Variants in CCAR1 observed in about 807,000 individuals in gnomAD.
CCAR1 encodes the protein cell division cycle and apoptosis regulator protein 1.
In CCAR1, 78 loss-of-function variants were observed where a neutral mutation model predicts 163.8. The ratio of observed to expected loss-of-function variants is 0.48; its 90% CI spans 0.40 to 0.57. CCAR1 has a LOEUF of 0.57. CCAR1 is among the 20% of genes least tolerant of loss of function. The pLI is 0.00. For missense variants in CCAR1, 1,019 were observed against 1,365.2 expected (o/e 0.75, Z 4.00); for synonymous variants, 443 against 460.7 (o/e 0.96, Z 0.49).
chr10:68,770,844 G>A (rs890045639), intron 17 of CCAR1, among the ~76,000 whole-genome samples: 2 of 152,224 alleles, frequency 1.3e-5, no homozygotes, highest in Non-Finnish European at 2.9e-5. Flanking sequence ...TTGGGAGGCC[G>A]AGGCGGGCAG....
Position 68,761,183 on chromosome 10 carries a change from C to A in CCAR1, c.2097C>A (p.Asp699Glu). The A allele has an allele frequency of 6.3e-7, 1 of 1,593,812 alleles. No individual in the cohort carries two copies. The highest frequency in any genetic ancestry group is 8.5e-7 in the Non-Finnish European group (1 of 1,170,428). The part of the protein sequence containing the change: ...EDEDDDRKSE[D>E]DKEEEERKRQ... ...AGGATGATGATAGGAAATCTGAAGA[C>A]GATAAAGAGGTATGTACTCAATCTA... Residue 699 changes from aspartate to glutamate, a missense_variant, in exon 16 of 25, where the codon GAC becomes GAA. This residue lies in a region of CCAR1 where 644 missense variants were observed against 904.4 expected (regional missense o/e 0.71). Transcript: ENST00000265872.
intron 2 of CCAR1, among the ~76,000 whole-genome samples, chr10:68,731,239 A>T (rs990274283): frequency 1.3e-5 from 2 of 152,172 alleles, no homozygotes; most frequent in African/African-American, 4.8e-5. Context: ...ATACCTTTGT[A>T]CTTTGCAGAT....
chr10:68,746,909 T>C (rs1475689631), intron 6 of CCAR1, among the ~76,000 whole-genome samples: 1 of 152,008 alleles, frequency 6.6e-6, no homozygotes, highest in Admixed American at 6.6e-5. Flanking sequence ...ATTATTATTA[T>C]ACTTTAAGTT....
intron 24 of CCAR1, among the ~76,000 whole-genome samples, chr10:68,790,701 A>T (rs753703121): frequency 4.4e-4 from 66 of 151,692 alleles, no homozygotes; most frequent in Non-Finnish European, 8.4e-4. Context: ...GCTAATTTTT[A>T]TATTTTTTTT....
At chr10:68,722,634 G>C in intron 2 of CCAR1, 57 bp downstream of exon 2, 1 of 1,333,662 alleles carries the variant, frequency 7.5e-7, no homozygotes, top group Non-Finnish European at 1.1e-6. Context: ...TTAAAACTAC[G>C]TGAATTAGGG....
At chr10:68,736,336 A>ATCG in intron 2 of CCAR1, among the ~76,000 whole-genome samples, 1 of 1,044 alleles carries the variant, frequency 9.6e-4, no homozygotes, top group Non-Finnish European at 1.3e-3. Flanking sequence ...TCACCTACTT[A>ATCG]TCTTTTGTGG....
chr10:68,767,546 CTATT>C (rs1315299829), intron 17 of CCAR1, among the ~76,000 whole-genome samples: 1 of 151,930 alleles, frequency 6.6e-6, no homozygotes, highest in Non-Finnish European at 1.5e-5. Flanking sequence ...TGCACCCGGC[CTATT>C]TATTTATTTA....
At position 68,756,267 on chromosome 10, in the gene CCAR1, C is replaced by A; in HGVS notation, c.1626-6C>A. The A allele has an allele frequency of 6.2e-7, 1 of 1,610,700 alleles. No individual in the cohort carries two copies. Among genetic ancestry groups the A allele is most frequent in the African/African-American group, 1.3e-5 (1 of 74,928 alleles). ...TTTTTCCAACATGCTTCTTCCCTTG[C>A]AACAGGTACCGTTTTGCAGAGATTC... On this transcript the variant is annotated splice_region_variant and splice_polypyrimidine_tract_variant and intron_variant, in intron 13 of 24. Coordinates refer to ENST00000265872, the MANE Select transcript of CCAR1 (RefSeq NM_018237.4). The surrounding 1 kb of genome is among the most constrained non-coding windows in gnomAD (Gnocchi z 5.1).
chr10:68,791,305 G>A lies in CCAR1; in HGVS notation c.*39G>A. On this transcript the variant is annotated 3_prime_UTR_variant, in exon 25 of 25. Transcript: ENST00000265872. Reference sequence around the variant, plus strand: ...GTGATGAGGAATGGTGTTAAATAATGTAATATATAAAAATCATGATATAAG... The same window carrying A: ...GTGATGAGGAATGGTGTTAAATAATATAATATATAAAAATCATGATATAAG... The A allele has an allele frequency of 7.5e-7, 1 of 1,326,768 alleles. No homozygotes were observed. The highest frequency in any genetic ancestry group is 2.4e-5 in the East Asian group (1 of 41,586). The allele number at this position is 1,326,768 out of a possible 1,614,324, so 82.2% of individuals were successfully genotyped here.
chr10:68,785,063 G>A (rs1001182632), intron 19 of CCAR1, among the ~76,000 whole-genome samples: 2 of 151,042 alleles, frequency 1.3e-5, no homozygotes, highest in South Asian at 2.1e-4. Flanking sequence ...GACTACAGAC[G>A]CCGGCCACCA....
At chr10:68,790,768 G>A (rs1355578749) in intron 24 of CCAR1, among the ~76,000 whole-genome samples, 4 of 150,306 alleles carry the variant, frequency 2.7e-5, no homozygotes, top group East Asian at 4.0e-4. Context: ...CAGCACTTTC[G>A]GAGGCCAAGG....
At position 68,756,779 on chromosome 10, in the gene CCAR1, A is replaced by T; in HGVS notation, c.1836+296A>T. On this transcript the variant is annotated intron_variant, in intron 14 of 24. Transcript: ENST00000265872. The surrounding 1 kb of genome is among the most constrained non-coding windows in gnomAD (Gnocchi z 5.1). Reference sequence around the variant, plus strand: ...GCTGGAATCTGGGACCAGTTGTTGAACAAGATTCAGTATTAAGCCATTTTA... The same window carrying T: ...GCTGGAATCTGGGACCAGTTGTTGATCAAGATTCAGTATTAAGCCATTTTA... 1 of 454,372 alleles carries T rather than the reference A, an allele frequency of 2.2e-6. No individual in the cohort carries two copies. Among genetic ancestry groups the T allele is most frequent in the Non-Finnish European group, 4.0e-6 (1 of 247,552 alleles). The allele number at this position is 454,372 out of a possible 1,614,324, so 28.1% of individuals were successfully genotyped here. A position where few individuals can be genotyped will look rare whatever the true frequency, so the allele number is the denominator to read the frequency against.
At chr10:68,753,021 T>G (rs1170334588) in intron 10 of CCAR1, among the ~76,000 whole-genome samples, 1 of 151,606 alleles carries the variant, frequency 6.6e-6, no homozygotes, top group East Asian at 1.9e-4. Flanking sequence ...GGTTTATTAC[T>G]CTGTATTTAT....
At chr10:68,729,352 C>G (rs534863692) in intron 2 of CCAR1, among the ~76,000 whole-genome samples, 10 of 151,036 alleles carry the variant, frequency 6.6e-5, no homozygotes, top group African/African-American at 2.4e-4. Flanking sequence ...TCACTGCAAG[C>G]TCCGCCTCCT....
At chr10:68,738,564 T>C (rs963446396) in intron 4 of CCAR1, among the ~76,000 whole-genome samples, 27 of 152,242 alleles carry the variant, frequency 1.8e-4, no homozygotes, top group Non-Finnish European at 3.7e-4. Flanking sequence ...TTTTGCTGAT[T>C]GAAGCCTAAA....
chr10:68,746,390 C>T (rs571484164), intron 6 of CCAR1, among the ~76,000 whole-genome samples: 7 of 152,004 alleles, frequency 4.6e-5, no homozygotes, highest in Non-Finnish European at 8.8e-5. Flanking sequence ...GATTCGCACC[C>T]GGCTAATTTT....
intron 2 of CCAR1, among the ~76,000 whole-genome samples, chr10:68,722,888 C>T (rs2055879514): frequency 6.6e-6 from 1 of 151,954 alleles, no homozygotes; most frequent in Non-Finnish European, 1.5e-5. Flanking sequence ...CGCCACTGCA[C>T]TCCAGCCTGG....
At chr10:68,755,756 G>A (rs2056391109) in intron 13 of CCAR1, among the ~76,000 whole-genome samples, 1 of 152,170 alleles carries the variant, frequency 6.6e-6, no homozygotes, top group Non-Finnish European at 1.5e-5. Flanking sequence ...AAATTTAAAT[G>A]TTTTGTTATG....
At chr10:68,752,176 C>T (rs1313177346) in intron 10 of CCAR1, among the ~76,000 whole-genome samples, 2 of 152,026 alleles carry the variant, frequency 1.3e-5, no homozygotes, top group Non-Finnish European at 1.5e-5. Context: ...CCTCGGCCTC[C>T]CAAAGTGCTG....
Sources: allele counts gnomAD v4.1 joint callset (sites outside exome capture counted in the v4.1 genomes callset), GRCh38; gene constraint gnomAD v4.1.1; regional missense constraint gnomAD v4.1.1; non-coding constraint Gnocchi (gnomAD v3.1); transcripts MANE v1.5; gene names NCBI Gene and HGNC (gene_info 2026-07-23, HGNC 2026-07-21).